COX10: variants seen among roughly 807,000 people sequenced by gnomAD.
The protein encoded by COX10 is protoheme IX farnesyltransferase, mitochondrial.
COX10 carries 27 observed loss-of-function variants against 37.3 expected under a neutral mutation model. The ratio of observed to expected loss-of-function variants is 0.72; its 90% CI spans 0.53 to 1.00. The LOEUF is 1.00. Among genes scored for constraint, COX10 ranks in the 50% least tolerant of loss-of-function variants. The pLI, the probability that COX10 is intolerant of heterozygous loss-of-function variation, is 0.00. For synonymous variants in COX10, 222 were observed against 229.1 expected, an observed-to-expected ratio of 0.97 and a Z score of 0.28; for missense variants, 475 against 563.2, an observed-to-expected ratio of 0.84 and a Z score of 1.59.
At chr17:14,146,607 A>C (rs1233451649) in intron 4 of COX10, among the ~76,000 whole-genome samples, 1 of 152,184 alleles carries the variant, frequency 6.6e-6, no homozygotes, top group Non-Finnish European at 1.5e-5. Context: ...ATACCCCACA[A>C]ACACAGGCAA....
At chr17:14,159,546 ATG>A (rs1432880242) in intron 4 of COX10, among the ~76,000 whole-genome samples, 4 of 152,142 alleles carry the variant, frequency 2.6e-5, no homozygotes, top group African/African-American at 9.7e-5. Flanking sequence ...GGAGTTGAGT[ATG>A]TGTGGATTTG....
chr17:14,079,989 T>C (rs976566088), intron 3 of COX10, among the ~76,000 whole-genome samples: 10 of 152,062 alleles, frequency 6.6e-5, no homozygotes, highest in Admixed American at 5.9e-4. Flanking sequence ...TATTAACTAG[T>C]CTTCTGCAGG....
intron 4 of COX10, 114 bp downstream of exon 4, chr17:14,102,356 A>G: frequency 3.4e-6 from 5 of 1,471,352 alleles, no homozygotes; most frequent in Non-Finnish European, 3.8e-6. Context: ...AGCATTTGTA[A>G]CACTATATAT....
chr17:14,094,318 A>C (rs1191004770), intron 3 of COX10, among the ~76,000 whole-genome samples: 1 of 150,884 alleles, frequency 6.6e-6, no homozygotes, highest in African/African-American at 2.4e-5. Flanking sequence ...AATATATATA[A>C]ATGGATAGTT....
In COX10 at chr17:14,207,466, T is replaced by C; in HGVS notation, c.*253T>C. 2.0e-6 allele frequency: 1 copy of C among 494,674 alleles called. No individual in the cohort carries two copies. The highest frequency in any genetic ancestry group is 3.5e-5 in the East Asian group (1 of 28,434). 30.6% of individuals were successfully genotyped at this position (494,674 alleles called of 1,614,324 possible). On this transcript the variant is annotated 3_prime_UTR_variant, in exon 7 of 7. Coordinates refer to ENST00000261643, the MANE Select transcript of COX10 (RefSeq NM_001303.4). ...CCCTTTGAGGGTCTTTATACATCTC[T>C]CCTCCAACCCCACCCTCTATTCTGT... is the stretch of plus-strand genomic sequence containing the variant.
chr17:14,142,088 A>C (rs778028361), intron 4 of COX10, among the ~76,000 whole-genome samples: 91 of 152,190 alleles, frequency 6.0e-4, no homozygotes, highest in Non-Finnish European at 1.1e-3. Flanking sequence ...TTGTCACTCA[A>C]ATAAGGAGTA....
intron 2 of COX10, among the ~76,000 whole-genome samples, chr17:14,076,246 C>T (rs896269466): frequency 2.0e-5 from 3 of 149,282 alleles, no homozygotes; most frequent in African/African-American, 7.4e-5. Flanking sequence ...GGACTGTGGG[C>T]GTATGCCACC....
At chr17:14,143,279 CATT>C (rs1904602919) in intron 4 of COX10, among the ~76,000 whole-genome samples, 1 of 152,080 alleles carries the variant, frequency 6.6e-6, no homozygotes, top group South Asian at 2.1e-4. Context: ...ATAGGATAGT[CATT>C]GTTTTCATTT....
chr17:14,109,842 T>G (rs961054829), intron 4 of COX10, among the ~76,000 whole-genome samples: 22 of 152,244 alleles, frequency 1.4e-4, no homozygotes, highest in African/African-American at 4.6e-4. Context: ...TCTAGAGCAC[T>G]TATGTCTTAG....
chr17:14,161,087 A>C (rs1416889672), intron 5 of COX10, among the ~76,000 whole-genome samples: 1 of 152,192 alleles, frequency 6.6e-6, no homozygotes, highest in African/African-American at 2.4e-5. Context: ...AGGCCCAGCA[A>C]GTAGTCTTTA....
intron 5 of COX10, among the ~76,000 whole-genome samples, chr17:14,183,523 A>G (rs985754659): frequency 6.6e-6 from 1 of 152,238 alleles, no homozygotes; most frequent in African/African-American, 2.4e-5. Context: ...CATTACAGCT[A>G]CTGTTGCAGC....
At chr17:14,074,546 A>G (rs1290068077) in intron 2 of COX10, 90 bp downstream of exon 2, 3 of 1,233,122 alleles carry the variant, frequency 2.4e-6, no homozygotes, top group African/African-American at 3.0e-5. Context: ...TTAAAGTTTT[A>G]AGAAATACTG....
At chr17:14,205,142 CCT>C (rs1906657787) in intron 6 of COX10, among the ~76,000 whole-genome samples, 1 of 73,072 alleles carries the variant, frequency 1.4e-5, no homozygotes, top group Admixed American at 1.5e-4. Flanking sequence ...ACACCACCTT[CCT>C]TTTTTTTTAA....
chr17:14,097,841 A>C (rs1216064300), intron 3 of COX10, among the ~76,000 whole-genome samples: 1 of 152,206 alleles, frequency 6.6e-6, no homozygotes, highest in African/African-American at 2.4e-5. Context: ...AGTATAATAC[A>C]TCGTCCCTTG....
At chr17:14,080,386 TG>T (rs1915265101) in intron 3 of COX10, among the ~76,000 whole-genome samples, 1 of 152,072 alleles carries the variant, frequency 6.6e-6, no homozygotes, top group Admixed American at 6.5e-5. Context: ...GCTAATTTTT[TG>T]TATTTTTAGT....
chr17:14,102,828 C>G (rs565830435), intron 4 of COX10, among the ~76,000 whole-genome samples: 1 of 152,042 alleles, frequency 6.6e-6, no homozygotes, highest in South Asian at 2.1e-4. Context: ...CTGTGGTCTG[C>G]CTTAACGTTG....
At chr17:14,118,456 T>C (rs1916161610) in intron 4 of COX10, among the ~76,000 whole-genome samples, 1 of 152,190 alleles carries the variant, frequency 6.6e-6, no homozygotes, top group Non-Finnish European at 1.5e-5. Context: ...TTTTAAAAAT[T>C]AGGATATAAT....
intron 4 of COX10, among the ~76,000 whole-genome samples, chr17:14,107,380 G>A (rs1204036953): frequency 6.6e-6 from 1 of 152,112 alleles, no homozygotes; most frequent in Non-Finnish European, 1.5e-5. Context: ...TACTATGAAT[G>A]CCTCTTTTAC....
At chr17:14,160,889 G>A (rs996009349) in intron 5 of COX10, among the ~76,000 whole-genome samples, 1 of 152,162 alleles carries the variant, frequency 6.6e-6, no homozygotes, top group Non-Finnish European at 1.5e-5. Flanking sequence ...TGGTGTGTTT[G>A]AGGTTTAGAA....
Sources: allele counts gnomAD v4.1 joint callset (sites outside exome capture counted in the v4.1 genomes callset), GRCh38; gene constraint gnomAD v4.1.1; transcripts MANE v1.5; gene names NCBI Gene and HGNC (gene_info 2026-07-23, HGNC 2026-07-21).